TNS3: variants seen among roughly 807,000 people sequenced by gnomAD.
TNS3 encodes the protein tensin 3.
Under a neutral mutation model 140.9 loss-of-function variants are expected in TNS3, and 45 were observed. The observed-to-expected ratio is 0.32, with a 90% confidence interval of 0.25 to 0.41. The LOEUF (loss-of-function observed/expected upper bound fraction) is 0.41. Ranked by LOEUF, TNS3 falls within the 10% of genes least tolerant of loss-of-function variation. The probability of loss-of-function intolerance (pLI) is 1.00; values close to 1 mark genes in which losing one functional copy is unlikely to be tolerated. For synonymous variants in TNS3, 815 were observed against 788.4 expected, an observed-to-expected ratio of 1.03 and a Z score of -0.56; for missense variants, 1,716 against 1,906.7, an observed-to-expected ratio of 0.90 and a Z score of 1.86.
At chr7:47,336,968 T>C (rs114746162) in intron 20 of TNS3, among the ~76,000 whole-genome samples, 2,728 of 152,252 alleles carry the variant, frequency 0.018, 81 homozygotes, top group African/African-American at 0.062. Context: ...CGTCCAACCG[T>C]GGCAAGCTCA....
intron 1 of TNS3, among the ~76,000 whole-genome samples, chr7:47,537,364 G>A (rs1799638428): frequency 6.6e-6 from 1 of 152,108 alleles, no homozygotes; most frequent in Admixed American, 6.5e-5. Flanking sequence ...GCGAGCGCAC[G>A]GTCCCGCACG....
intron 24 of TNS3, among the ~76,000 whole-genome samples, chr7:47,295,487 C>T (rs536517443): frequency 6.6e-6 from 1 of 152,294 alleles, no homozygotes; most frequent in East Asian, 1.9e-4. Flanking sequence ...TAATTCAGCT[C>T]TCCAGCTACA....
At chr7:47,313,633 G>A (rs779800083) in intron 20 of TNS3, among the ~76,000 whole-genome samples, 2 of 152,166 alleles carry the variant, frequency 1.3e-5, no homozygotes, top group Admixed American at 6.5e-5. Flanking sequence ...ACAAAGCCAC[G>A]GGGGCAATCC....
intron 28 of TNS3, among the ~76,000 whole-genome samples, chr7:47,280,890 G>A (rs1170157616): frequency 6.6e-6 from 1 of 151,876 alleles, no homozygotes; most frequent in Non-Finnish European, 1.5e-5. Context: ...TCCAGCTTGG[G>A]CGACAGAGTG....
rs557152822 is a variant in TNS3 at position 47,388,275 on chromosome 7, G to A, written c.1024+8525C>T. 5.3e-5 allele frequency among the ~76,000 whole-genome samples: 8 copies of A among 152,272 alleles called. No homozygotes were observed. In the East Asian group the frequency reaches 7.7e-4, roughly 15 times the overall value. On this transcript the variant is annotated intron_variant, in intron 16 of 30. Coordinates refer to ENST00000311160, the MANE Select transcript of TNS3 (RefSeq NM_022748.12). ...ACACACACACTGCTGCTCACGCTAG[G>A]TGTGAGAAGCTTCGTGGCTCAGGGT... is the stretch of plus-strand genomic sequence containing the variant.
intron 1 of TNS3, among the ~76,000 whole-genome samples, chr7:47,565,079 TC>T (rs1800400053): frequency 6.6e-6 from 1 of 151,136 alleles, no homozygotes; most frequent in Non-Finnish European, 1.5e-5. Context: ...TTTTTTTATT[TC>T]TATTTTTTTT....
At chr7:47,410,409 A>AAG (rs1793702364) in intron 13 of TNS3, among the ~76,000 whole-genome samples, 1 of 152,216 alleles carries the variant, frequency 6.6e-6, no homozygotes, top group African/African-American at 2.4e-5. Flanking sequence ...ATGCCTTGAA[A>AAG]AGGGCTGGGC....
Position 47,437,310 on chromosome 7 carries a change from A to G in TNS3, c.154T>C (p.Leu52=), listed in dbSNP as rs758879532. ...TCATATCTCTTTTCTGAAAGGTTTA[A>G]TACCTATAAAAGAGAGGAAAAATTG... ...KSKHGDNYLV[L]NLSEKRYDLT... Residue 52 remains leucine, a synonymous_variant, in exon 7 of 31, where the codon TTA becomes CTA. Transcript: ENST00000311160. The G allele has an allele frequency of 6.7e-7, 1 of 1,499,370 alleles. No homozygotes were observed. Among genetic ancestry groups the G allele is most frequent in the South Asian group, 1.5e-5 (1 of 68,478 alleles). The allele number at this position is 1,499,370 out of a possible 1,614,324, so 92.9% of individuals were successfully genotyped here.
intron 16 of TNS3, 43 bp downstream of exon 16, chr7:47,396,757 T>C (rs778533324): frequency 6.7e-7 from 1 of 1,492,418 alleles, no homozygotes; most frequent in Non-Finnish European, 9.4e-7. Flanking sequence ...GTCTTCCCTG[T>C]GCCCTTTGCC....
intron 9 of TNS3, among the ~76,000 whole-genome samples, chr7:47,426,675 G>C (rs1413576050): frequency 6.6e-6 from 1 of 152,150 alleles, no homozygotes; most frequent in Non-Finnish European, 1.5e-5. Context: ...ACATGCAGCT[G>C]AAATACATAT....
intron 20 of TNS3, among the ~76,000 whole-genome samples, chr7:47,321,187 G>A (rs1030326641): frequency 2.6e-5 from 4 of 152,336 alleles, no homozygotes; most frequent in East Asian, 1.9e-4. Flanking sequence ...TCTTGGTCCC[G>A]ATTCTCCTCT....
rs576225679 is a variant in TNS3 at position 47,433,895 on chromosome 7, C to A, written c.324+1387G>T. On this transcript the variant is annotated intron_variant, in intron 8 of 30. Coordinates refer to ENST00000311160, the MANE Select transcript of TNS3 (RefSeq NM_022748.12). ...AGTCCGTCTGTCTATCTCTCTCTCTCTCTCTCTCTCTCTCTCTCTCTCTCT... is the reference window on the plus strand; with the variant it reads ...AGTCCGTCTGTCTATCTCTCTCTCTATCTCTCTCTCTCTCTCTCTCTCTCT... 6.0e-3 allele frequency among the ~76,000 whole-genome samples: 826 copies of A among 138,086 alleles called. 3 individuals carry two copies. Among genetic ancestry groups the A allele is most frequent in the Non-Finnish European group, 8.8e-3 (592 of 67,306 alleles). 90.6% of individuals were successfully genotyped at this position (138,086 alleles called of 152,430 possible).
chr7:47,474,780 TCACACACAACA>T (rs1439131586), intron 4 of TNS3, among the ~76,000 whole-genome samples: 1 of 112,260 alleles, frequency 8.9e-6, no homozygotes, highest in Non-Finnish European at 1.8e-5. Context: ...CACACACACC[TCACACACAACA>T]CACAAAGCAC....
chr7:47,291,157 TG>T (rs1302699602), intron 27 of TNS3, among the ~76,000 whole-genome samples: 2 of 151,604 alleles, frequency 1.3e-5, no homozygotes, highest in Non-Finnish European at 2.9e-5. Flanking sequence ...AAAATATGAG[TG>T]GTTGCTTGGG....
chr7:47,303,680 G>C lies in TNS3; in HGVS notation c.2823-96C>G. ...ACCCACACGGGAAGACAGGGATGGG[G>C]AAGTGGGTGCTGAGGCCCTCCAGGC... On this transcript the variant is annotated intron_variant, in intron 21 of 30. Coordinates refer to ENST00000311160, the MANE Select transcript of TNS3 (RefSeq NM_022748.12). 4 of 1,421,728 alleles carry C rather than the reference G, an allele frequency of 2.8e-6. No homozygotes were observed. In the South Asian group the frequency reaches 4.3e-5, roughly 15 times the overall value. The allele number at this position is 1,421,728 out of a possible 1,614,324, so 88.1% of individuals were successfully genotyped here.
intron 4 of TNS3, among the ~76,000 whole-genome samples, chr7:47,446,029 T>C (rs1795710402): frequency 7.1e-6 from 1 of 140,388 alleles, no homozygotes; most frequent in Non-Finnish European, 1.6e-5. Context: ...CCTAACCTCA[T>C]ATAAGGTTTA....
intron 16 of TNS3, among the ~76,000 whole-genome samples, chr7:47,376,335 T>A (rs887331523): frequency 1.3e-5 from 2 of 152,212 alleles, no homozygotes; most frequent in African/African-American, 4.8e-5. Context: ...GCAGCCACCC[T>A]CAGGTGAGCC....
In TNS3 at chr7:47,369,625, CG is replaced by C; in HGVS notation, c.1025-5del. 1 of 1,547,176 alleles carries C rather than the reference CG, an allele frequency of 6.5e-7. No individual in the cohort carries two copies. ...ACAGGGCCCTGCGTGTGTAGCACTG[CG>C]GGGGAGAAAACCGGAGAGAGGCTTT... On this transcript the variant is annotated splice_polypyrimidine_tract_variant and splice_region_variant and intron_variant, in intron 16 of 30. Coordinates refer to ENST00000311160, the MANE Select transcript of TNS3 (RefSeq NM_022748.12).
Position 47,439,537 on chromosome 7 carries a change from G to A in TNS3, c.100C>T (p.Leu34=), listed in dbSNP as rs765403262. 3.7e-6 allele frequency: 6 copies of A among 1,613,982 alleles called. No individual in the cohort carries two copies. Among genetic ancestry groups the A allele is most frequent in the Non-Finnish European group, 3.4e-6 (4 of 1,179,988 alleles). The stretch of plus-strand genomic sequence containing the variant: ...TTGAGCATGCGCGTGACCTCCTGTA[G>A]GTTGTGCAGGTAGGACTCCTCAGAG... ...GCSEESYLHN[L]QEVTRMLKSK... is the part of the protein sequence containing the mutation. The change falls in exon 6 of 31, where the codon CTA becomes TTA. Residue 34 remains leucine (L), a synonymous_variant. Transcript: ENST00000311160.
Sources: allele counts gnomAD v4.1 joint callset (sites outside exome capture counted in the v4.1 genomes callset), GRCh38; gene constraint gnomAD v4.1.1; transcripts MANE v1.5; gene names NCBI Gene and HGNC (gene_info 2026-07-23, HGNC 2026-07-21).